The following RORA variants were observed in gnomAD, a reference collection of about 807,000 sequenced individuals.
The protein encoded by RORA is RAR related orphan receptor A.
In RORA, 7 loss-of-function variants were observed where a neutral mutation model predicts 69.5. That is an observed-to-expected ratio of 0.10 (90% CI 0.06 to 0.19). The LOEUF is 0.19. Among genes scored for constraint, RORA ranks in the 10% least tolerant of loss-of-function variants. The probability of loss-of-function intolerance (pLI) is 1.00; values close to 1 mark genes in which losing one functional copy is unlikely to be tolerated. For synonymous variants in RORA, 261 were observed against 240.8 expected (o/e 1.08, Z -0.78); for missense variants, 457 against 663.0 (o/e 0.69, Z 3.41).
rs1346964676 is a variant in RORA at position 61,166,679 on chromosome 15, C to CAGAGGGAGTCTCCCTCTGTT, written c.166+62354_166+62373dup. On this transcript the variant is annotated intron_variant, in intron 1 of 10. Transcript: ENST00000335670. The stretch of plus-strand genomic sequence containing the variant: ...AGAGAGGTCATCTTTCCAAAAGTCA[C>CAGAGGGAGTCTCCCTCTGTT]AGAGGGAGTCTCCCTCTGTTAGAGG... 4.4e-4 allele frequency among the ~76,000 whole-genome samples: 67 copies of CAGAGGGAGTCTCCCTCTGTT among 152,074 alleles called. 1 individual carries two copies. The highest frequency in any genetic ancestry group is 1.2e-3 in the African/African-American group (48 of 41,444).
At chr15:60,937,350 A>G (rs1262396573) in intron 1 of RORA, among the ~76,000 whole-genome samples, 1 of 152,122 alleles carries the variant, frequency 6.6e-6, no homozygotes, top group Non-Finnish European at 1.5e-5. Context: ...ATTCTGGCTC[A>G]TTTCATAAGG....
intron 1 of RORA, among the ~76,000 whole-genome samples, chr15:61,007,870 C>G (rs1045085272): frequency 6.8e-6 from 1 of 146,924 alleles, no homozygotes; most frequent in African/African-American, 2.5e-5. Context: ...AAATATATAA[C>G]ATTAGGATAA....
chr15:61,059,907 CGAAGAAGAAGAA>C (rs57030654), intron 1 of RORA, among the ~76,000 whole-genome samples: 7 of 126,872 alleles, frequency 5.5e-5, no homozygotes, highest in South Asian at 2.6e-4. Flanking sequence ...CAGTTCCACA[CGAAGAAGAAGAA>C]GAAGAAGAAG....
At chr15:60,965,723 G>A (rs544123072) in intron 1 of RORA, among the ~76,000 whole-genome samples, 2 of 152,238 alleles carry the variant, frequency 1.3e-5, no homozygotes, top group African/African-American at 4.8e-5. Flanking sequence ...GTTTGCAAGC[G>A]CTATTTTTCT....
chr15:60,602,232 A>T (rs1446200504), intron 2 of RORA, among the ~76,000 whole-genome samples: 2 of 152,188 alleles, frequency 1.3e-5, no homozygotes, highest in African/African-American at 4.8e-5. Context: ...AAGACACTCA[A>T]AGAGGGCATT....
chr15:61,112,143 C>G (rs1346905995), intron 1 of RORA, among the ~76,000 whole-genome samples: 1 of 152,194 alleles, frequency 6.6e-6, no homozygotes, highest in East Asian at 1.9e-4. Flanking sequence ...AGTACAGAAA[C>G]TGAGAGTAAG....
chr15:60,947,866 C>A (rs973432324), intron 1 of RORA, among the ~76,000 whole-genome samples: 1 of 152,118 alleles, frequency 6.6e-6, no homozygotes, highest in African/African-American at 2.4e-5. Context: ...GCATCATTAA[C>A]AGGCAGGGCA....
chr15:60,542,962 C>A (rs12909802), intron 2 of RORA, among the ~76,000 whole-genome samples: 143,311 of 149,628 alleles, frequency 0.96, 68,684 homozygotes, highest in Non-Finnish European at 1. Context: ...CTACACACAC[C>A]CCCCACATGC....
At chr15:60,592,713 AGCG>A (rs1596028612) in intron 2 of RORA, 3 of 1,052,902 alleles carry the variant, frequency 2.8e-6, no homozygotes, top group Non-Finnish European at 3.4e-6. Context: ...GGTGAGTAGC[AGCG>A]GCGGCTCTGC....
intron 1 of RORA, among the ~76,000 whole-genome samples, chr15:60,873,253 GTGTGTGTGT>G (rs2073577941): frequency 7.9e-6 from 1 of 126,960 alleles, no homozygotes; most frequent in Admixed American, 8.2e-5. Context: ...GTGTGTCTGT[GTGTGTGTGT>G]CTGTGTGTGT....
At chr15:60,609,525 A>G (rs2069034603) in intron 2 of RORA, among the ~76,000 whole-genome samples, 1 of 152,296 alleles carries the variant, frequency 6.6e-6, no homozygotes, top group Non-Finnish European at 1.5e-5. Context: ...GAGACAATAA[A>G]TATATATCTG....
intron 1 of RORA, among the ~76,000 whole-genome samples, chr15:61,059,851 T>G (rs1178999940): frequency 1.3e-5 from 2 of 151,248 alleles, no homozygotes; most frequent in Admixed American, 1.3e-4. Flanking sequence ...AATAAAATAA[T>G]TCTTAAAATG....
intron 1 of RORA, among the ~76,000 whole-genome samples, chr15:60,995,142 G>C (rs368033187): frequency 6.6e-6 from 1 of 152,328 alleles, no homozygotes; most frequent in East Asian, 1.9e-4. Flanking sequence ...GCAGAGAATA[G>C]GGAAATGAAT....
At chr15:61,220,976 G>A (rs1326899492) in intron 1 of RORA, among the ~76,000 whole-genome samples, 1 of 152,112 alleles carries the variant, frequency 6.6e-6, no homozygotes, top group African/African-American at 2.4e-5. Context: ...GCAGGCACTA[G>A]TCCATTCCCC....
chr15:60,879,857 C>A (rs2073659558), intron 1 of RORA, among the ~76,000 whole-genome samples: 1 of 152,180 alleles, frequency 6.6e-6, no homozygotes. Flanking sequence ...AAGTCACAAA[C>A]ATAAACCTTC....
intron 1 of RORA, among the ~76,000 whole-genome samples, chr15:61,059,163 C>G (rs577931334): frequency 6.6e-6 from 1 of 152,320 alleles, no homozygotes; most frequent in Non-Finnish European, 1.5e-5. Flanking sequence ...AGATTATAGT[C>G]TCCTACAGAG....
intron 3 of RORA, chr15:60,529,372 A>G (rs1423666003): frequency 1.3e-5 from 2 of 152,236 alleles, no homozygotes; most frequent in Non-Finnish European, 2.9e-5. Flanking sequence ...TTCTATTTTT[A>G]TAACTAGGAA....
chr15:61,148,142 C>T (rs144035526), intron 1 of RORA, among the ~76,000 whole-genome samples: 150 of 152,258 alleles, frequency 9.9e-4, no homozygotes, highest in African/African-American at 3.4e-3. Flanking sequence ...GTGACATCAG[C>T]GGCAACATGG....
chr15:60,667,507 G>A (rs926714486), intron 2 of RORA, among the ~76,000 whole-genome samples: 15 of 152,158 alleles, frequency 9.9e-5, no homozygotes, highest in African/African-American at 3.6e-4. Context: ...AGAAGTTAAG[G>A]TTATGGTGTG....
Sources: gnomAD v4.1 joint callset for allele counts (sites outside exome capture counted in the v4.1 genomes callset) on GRCh38, gnomAD v4.1.1 for gene constraint, MANE v1.5 for transcripts, NCBI Gene and HGNC (gene_info 2026-07-23, HGNC 2026-07-21) for gene names.